The following PRKCE variants were observed in gnomAD, a reference collection of about 807,000 sequenced individuals.
PRKCE encodes the protein protein kinase C epsilon type.
Under a neutral mutation model 85.4 loss-of-function variants are expected in PRKCE, and 16 were observed. The ratio of observed to expected loss-of-function variants is 0.19; its 90% CI spans 0.13 to 0.28. The LOEUF is 0.28. Among genes scored for constraint, PRKCE ranks in the 10% least tolerant of loss-of-function variants. PRKCE has a pLI of 1.00. For synonymous variants in PRKCE, 388 were observed against 371.5 expected, an observed-to-expected ratio of 1.04 and a Z score of -0.51; for missense variants, 573 against 975.2, an observed-to-expected ratio of 0.59 and a Z score of 5.49.
intron 6 of PRKCE, among the ~76,000 whole-genome samples, chr2:45,995,082 A>G (rs1704109141): frequency 6.6e-6 from 1 of 152,170 alleles, no homozygotes; most frequent in Non-Finnish European, 1.5e-5. Context: ...CCATCTGAAT[A>G]TCTTCTTTGG....
At chr2:45,734,964 G>A (rs915724443) in intron 1 of PRKCE, among the ~76,000 whole-genome samples, 9 of 152,318 alleles carry the variant, frequency 5.9e-5, no homozygotes, top group Non-Finnish European at 1.2e-4. Context: ...CAGCTGCGTC[G>A]CAGCCCACCT....
intron 6 of PRKCE, among the ~76,000 whole-genome samples, chr2:45,997,943 A>G (rs958674058): frequency 6.6e-6 from 1 of 152,192 alleles, no homozygotes; most frequent in Admixed American, 6.5e-5. Flanking sequence ...TTAATCTCCA[A>G]GTATTTTGGA....
intron 2 of PRKCE, among the ~76,000 whole-genome samples, chr2:45,916,924 G>A (rs868199753): frequency 7.2e-5 from 11 of 152,208 alleles, no homozygotes; most frequent in Middle Eastern, 3.2e-3. Flanking sequence ...ACCGGCTCAG[G>A]AGTGAAACTG....
chr2:46,112,474 C>T (rs1672358389), intron 11 of PRKCE, among the ~76,000 whole-genome samples: 1 of 144,482 alleles, frequency 6.9e-6, no homozygotes, highest in Non-Finnish European at 1.5e-5. Context: ...TCTCTTTATC[C>T]CTGTTTTTGT....
chr2:46,128,672 T>A (rs1274378795), intron 11 of PRKCE, among the ~76,000 whole-genome samples: 1 of 152,224 alleles, frequency 6.6e-6, no homozygotes, highest in Non-Finnish European at 1.5e-5. Flanking sequence ...ATGTCTTCGA[T>A]CTTTTAATCA....
intron 11 of PRKCE, among the ~76,000 whole-genome samples, chr2:46,134,273 A>T (rs1407235914): frequency 6.6e-6 from 1 of 152,128 alleles, no homozygotes; most frequent in Admixed American, 6.5e-5. Context: ...GCCCTCATGG[A>T]ATGGTCCCTT....
At chr2:45,959,528 G>A (rs1451536123) in intron 2 of PRKCE, among the ~76,000 whole-genome samples, 1 of 152,134 alleles carries the variant, frequency 6.6e-6, no homozygotes, top group Non-Finnish European at 1.5e-5. Context: ...TTCAATCTTT[G>A]TGGCCTCAGT....
intron 1 of PRKCE, among the ~76,000 whole-genome samples, chr2:45,780,376 T>C (rs1686086228): frequency 6.6e-6 from 1 of 152,218 alleles, no homozygotes. Flanking sequence ...ATTTTGCTGA[T>C]TGTATTCCCA....
At chr2:45,717,884 A>C (rs546325026) in intron 1 of PRKCE, among the ~76,000 whole-genome samples, 1 of 152,324 alleles carries the variant, frequency 6.6e-6, no homozygotes, top group South Asian at 2.1e-4. Context: ...TCTCTGGGTA[A>C]CTGGCATTTG....
At chr2:45,694,989 A>G (rs1280632729) in intron 1 of PRKCE, among the ~76,000 whole-genome samples, 6 of 152,292 alleles carry the variant, frequency 3.9e-5, no homozygotes, top group East Asian at 3.9e-4. Context: ...CAGTTTGGCT[A>G]TAAAGAGCCA....
At chr2:45,929,872 G>A (rs1698906576) in intron 2 of PRKCE, among the ~76,000 whole-genome samples, 1 of 152,146 alleles carries the variant, frequency 6.6e-6, no homozygotes, top group African/African-American at 2.4e-5. Flanking sequence ...TGCATTTCCT[G>A]TAGAACATGA....
At chr2:45,982,961 G>A (rs999780896) in intron 5 of PRKCE, among the ~76,000 whole-genome samples, 3 of 152,230 alleles carry the variant, frequency 2.0e-5, no homozygotes, top group Non-Finnish European at 2.9e-5. Flanking sequence ...CAGGGTATGT[G>A]TAGGAATAGA....
chr2:45,653,864 T>C (rs914502614), intron 1 of PRKCE, among the ~76,000 whole-genome samples: 1 of 152,222 alleles, frequency 6.6e-6, no homozygotes, highest in Admixed American at 6.5e-5. Context: ...CATGCCATTC[T>C]ATTCTACTTC....
chr2:46,086,107 C>A (rs1010049578), intron 10 of PRKCE, 101 bp from the exon 11 acceptor site: 1 of 1,273,810 alleles, frequency 7.9e-7, no homozygotes, highest in Non-Finnish European at 1.1e-6. Context: ...GGCTTCTTCC[C>A]CCTTGAGTCT....
At chr2:45,662,893 A>AAGCG (rs59302495) in intron 1 of PRKCE, among the ~76,000 whole-genome samples, 1 of 151,994 alleles carries the variant, frequency 6.6e-6, no homozygotes, top group Non-Finnish European at 1.5e-5. Flanking sequence ...GCAAGCAAGC[A>AAGCG]GAATTCCTAG....
rs191535653 is a variant in PRKCE at position 45,726,214 on chromosome 2, A to T, written c.348+73766A>T. ...AGAATATTACATTCACTGATAAAGC[A>T]GCAGCAAGGTTTGAGAGGATTGACT... is the stretch of plus-strand genomic sequence containing the variant. On this transcript the variant is annotated intron_variant, in intron 1 of 14. Coordinates refer to ENST00000306156, the MANE Select transcript of PRKCE (RefSeq NM_005400.3). Among the ~76,000 whole-genome samples, 761 of 152,370 alleles carry T rather than the reference A, an allele frequency of 5.0e-3. 13 individuals carry two copies. Among genetic ancestry groups the T allele is most frequent in the Middle Eastern group, 0.01 (3 of 294 alleles).
Position 45,786,713 on chromosome 2 carries a change from A to C in PRKCE, c.349-56287A>C, listed in dbSNP as rs979689123. ...CAGCAGCAAACCTTACTGGGGGTTC[A>C]CCCTGTGCCAAGCAGGCTCTGAGTG... On this transcript the variant is annotated intron_variant, in intron 1 of 14. Transcript: ENST00000306156. The surrounding 1 kb of genome is among the most constrained non-coding windows in gnomAD (Gnocchi z 5.3). Among the ~76,000 whole-genome samples, 2 of 152,150 alleles carry C rather than the reference A, an allele frequency of 1.3e-5. No homozygotes were observed. Among genetic ancestry groups the C allele is most frequent in the African/African-American group, 4.8e-5 (2 of 41,424 alleles).
intron 6 of PRKCE, among the ~76,000 whole-genome samples, chr2:45,986,801 G>T (rs13001570): frequency 0.23 from 34,759 of 151,850 alleles, 4,899 homozygotes; most frequent in African/African-American, 0.4. Flanking sequence ...GGAGGTGGGG[G>T]CGGAGCCATT....
Position 45,846,701 on chromosome 2 carries a change from G to A in PRKCE, c.412+3638G>A, listed in dbSNP as rs148126068. 7.9e-5 allele frequency among the ~76,000 whole-genome samples: 12 copies of A among 152,306 alleles called. No individual in the cohort carries two copies. In the East Asian group the frequency reaches 1.9e-3, roughly 24 times the overall value. On this transcript the variant is annotated intron_variant, in intron 2 of 14. Coordinates refer to ENST00000306156, the MANE Select transcript of PRKCE (RefSeq NM_005400.3). Reference sequence around the variant, plus strand: ...GGACTCAACAGATAGAGGAGAAAGAGCACAGCCTTAGGAGTCCTTCAGACC... The same window carrying A: ...GGACTCAACAGATAGAGGAGAAAGAACACAGCCTTAGGAGTCCTTCAGACC...
Sources: allele counts gnomAD v4.1 joint callset (sites outside exome capture counted in the v4.1 genomes callset), GRCh38; gene constraint gnomAD v4.1.1; non-coding constraint Gnocchi (gnomAD v3.1); transcripts MANE v1.5; gene names NCBI Gene and HGNC (gene_info 2026-07-23, HGNC 2026-07-21).